The following GPHN variants were observed in gnomAD, a reference collection of about 807,000 sequenced individuals.
GPHN encodes the protein gephyrin.
A neutral mutation model predicts 95.5 loss-of-function variants in GPHN; 17 were observed. The observed-to-expected ratio is 0.18, with a 90% CI of 0.12 to 0.27. The LOEUF is 0.27. Ranked by LOEUF, GPHN falls within the 10% of genes least tolerant of loss-of-function variation. The pLI, the probability that GPHN is intolerant of heterozygous loss-of-function variation, is 1.00. For synonymous variants in GPHN, 320 were observed against 322.5 expected (o/e 0.99, Z 0.08); for missense variants, 660 against 978.1 (o/e 0.67, Z 4.34).
chr14:67,340,808 C>G, the GPHN span, among the ~76,000 whole-genome samples: 4 of 152,222 alleles, frequency 2.6e-5, no homozygotes, highest in South Asian at 8.3e-4. Context: ...CGAGTGCCTG[C>G]GATTGCAGGC....
At chr14:67,129,147 A>G (rs778712148) in intron 17 of GPHN, among the ~76,000 whole-genome samples, 4 of 151,712 alleles carry the variant, frequency 2.6e-5, no homozygotes, top group Non-Finnish European at 5.9e-5. Flanking sequence ...TTTCTGAAAT[A>G]CTTGAATATT....
chr14:66,817,279 A>G (rs1193459862), intron 3 of GPHN, among the ~76,000 whole-genome samples: 1 of 152,082 alleles, frequency 6.6e-6, no homozygotes, highest in Non-Finnish European at 1.5e-5. Context: ...TGCACATACT[A>G]GGTATTTGCA....
chr14:66,700,001 A>T (rs1410620994), intron 2 of GPHN, among the ~76,000 whole-genome samples: 1 of 152,188 alleles, frequency 6.6e-6, no homozygotes, highest in Non-Finnish European at 1.5e-5. Context: ...AATTTTAGAG[A>T]CTATAAAAGG....
chr14:66,734,377 C>T (rs2072067630), intron 2 of GPHN, among the ~76,000 whole-genome samples: 1 of 152,134 alleles, frequency 6.6e-6, no homozygotes, highest in Non-Finnish European at 1.5e-5. Context: ...AAACCAAGCT[C>T]CATACTATTT....
chr14:66,897,321 A>G (rs1345104261), intron 5 of GPHN, among the ~76,000 whole-genome samples: 1 of 152,056 alleles, frequency 6.6e-6, no homozygotes, highest in Admixed American at 6.6e-5. Context: ...TGTGTTTTTG[A>G]TATACTGATT....
At chr14:67,577,989 T>C in the GPHN span, 2 of 1,592,766 alleles carry the variant, frequency 1.3e-6, no homozygotes, top group South Asian at 1.1e-5. Context: ...CAGGGGATGC[T>C]GGTCTGCCTG....
At chr14:66,700,579 T>C (rs1295166510) in intron 2 of GPHN, among the ~76,000 whole-genome samples, 2 of 152,236 alleles carry the variant, frequency 1.3e-5, no homozygotes, top group African/African-American at 2.4e-5. Flanking sequence ...GCACTTCTGC[T>C]ATTGTCTTTG....
At chr14:67,607,452 T>C in the GPHN span, among the ~76,000 whole-genome samples, 5,466 of 152,176 alleles carry the variant, frequency 0.036, 260 homozygotes, top group African/African-American at 0.11. Context: ...CTGCAACCTC[T>C]GCCTCCCAGG....
the GPHN span, among the ~76,000 whole-genome samples, chr14:67,391,269 ATATGTG>A: frequency 3.6e-5 from 5 of 139,646 alleles, no homozygotes; most frequent in East Asian, 2.1e-4. Flanking sequence ...TAAGCAGCTG[ATATGTG>A]TGTGTGTGTG....
the GPHN span, among the ~76,000 whole-genome samples, chr14:67,511,918 C>A: frequency 3.3e-5 from 5 of 152,348 alleles, no homozygotes; most frequent in East Asian, 9.6e-4. Flanking sequence ...TCAGTTCTAT[C>A]TGTGGATGTG....
the GPHN span, among the ~76,000 whole-genome samples, chr14:67,355,756 T>C: frequency 1.3e-5 from 2 of 151,964 alleles, no homozygotes; most frequent in Non-Finnish European, 2.9e-5. Context: ...TAATCAGCAC[T>C]TTGGGAGGCT....
chr14:66,815,196 G>T (rs1331360931), intron 3 of GPHN, among the ~76,000 whole-genome samples: 1 of 152,154 alleles, frequency 6.6e-6, no homozygotes, highest in Non-Finnish European at 1.5e-5. Context: ...CGACTGATTG[G>T]TGTCTCTGAA....
At chr14:67,587,362 T>G in the GPHN span, 122 of 1,101,198 alleles carry the variant, frequency 1.1e-4, no homozygotes, top group Non-Finnish European at 2.2e-5. Context: ...GAAATGTGTA[T>G]TTTAGTCTCT....
chr14:66,590,688 G>A (rs528992331), intron 1 of GPHN, among the ~76,000 whole-genome samples: 1 of 152,208 alleles, frequency 6.6e-6, no homozygotes, highest in East Asian at 1.9e-4. Flanking sequence ...AAAATACCCA[G>A]GACCAGACAG....
the GPHN span, among the ~76,000 whole-genome samples, chr14:67,721,639 C>A: frequency 6.6e-6 from 1 of 152,018 alleles, no homozygotes; most frequent in Admixed American, 6.6e-5. Context: ...AGATACGAAT[C>A]AGAACAGCTA....
intron 16 of GPHN, among the ~76,000 whole-genome samples, chr14:67,120,865 G>T (rs76164920): frequency 6.6e-6 from 1 of 152,158 alleles, no homozygotes; most frequent in African/African-American, 2.4e-5. Context: ...GTAAGTATTC[G>T]AAGGGAAGAC....
intron 19 of GPHN, 49 bp from the exon 20 acceptor site, chr14:67,165,113 C>A: frequency 1.6e-6 from 2 of 1,221,494 alleles, no homozygotes. Context: ...TTAATGTATT[C>A]ATCATATTGC....
intron 8 of GPHN, among the ~76,000 whole-genome samples, chr14:66,928,556 A>G (rs1456135599): frequency 2.0e-5 from 3 of 152,016 alleles, no homozygotes; most frequent in Non-Finnish European, 4.4e-5. Flanking sequence ...CTGTTCTTCT[A>G]CTAATTTGGG....
chr14:67,573,212 T>A, the GPHN span: 1 of 996,004 alleles, frequency 1.0e-6, no homozygotes, highest in Non-Finnish European at 1.6e-6. This position sits in a 1 kb window ranked among gnomAD's most constrained non-coding sequence, Gnocchi z 4.8. Context: ...CACTTGGACC[T>A]GTGTGATGTC....
Sources: allele counts gnomAD v4.1 joint callset (sites outside exome capture counted in the v4.1 genomes callset), GRCh38; gene constraint gnomAD v4.1.1; non-coding constraint Gnocchi (gnomAD v3.1); transcripts MANE v1.5; gene names NCBI Gene and HGNC (gene_info 2026-07-23, HGNC 2026-07-21).